The following NKAIN2 variants were observed in gnomAD, a reference collection of about 807,000 sequenced individuals.
NKAIN2 encodes the protein sodium/potassium transporting ATPase interacting 2.
NKAIN2 carries 14 observed loss-of-function variants against 32.6 expected under a neutral mutation model. That is an observed-to-expected ratio of 0.43 (90% CI 0.28 to 0.67). NKAIN2 has a LOEUF of 0.67. NKAIN2 is among the 30% of genes least tolerant of loss of function. NKAIN2 has a pLI of 0.17. For missense variants in NKAIN2, 198 were observed against 258.3 expected (o/e 0.77, Z 1.60); for synonymous variants, 80 against 87.2 (o/e 0.92, Z 0.46).
chr6:124,042,091 G>T (rs566477089), intron 1 of NKAIN2, among the ~76,000 whole-genome samples: 5 of 152,178 alleles, frequency 3.3e-5, no homozygotes, highest in African/African-American at 1.2e-4. Context: ...TGAAGAGAAT[G>T]ATTTTGATTA....
chr6:124,307,622 G>A (rs1012434966), intron 2 of NKAIN2, among the ~76,000 whole-genome samples: 1 of 152,064 alleles, frequency 6.6e-6, no homozygotes, highest in Non-Finnish European at 1.5e-5. Context: ...TATACATAAA[G>A]GTTGACAATT....
intron 1 of NKAIN2, among the ~76,000 whole-genome samples, chr6:124,141,286 T>G (rs1787126346): frequency 6.6e-6 from 1 of 152,190 alleles, no homozygotes; most frequent in South Asian, 2.1e-4. Context: ...ACTTTTTACT[T>G]TAGACTTCTT....
chr6:124,276,152 T>C (rs535912025), intron 1 of NKAIN2, among the ~76,000 whole-genome samples: 7 of 152,226 alleles, frequency 4.6e-5, no homozygotes, highest in African/African-American at 1.7e-4. Context: ...ATTTCCTTAA[T>C]TTTTTTGGTT....
chr6:123,859,330 G>A (rs1775689255), intron 1 of NKAIN2, among the ~76,000 whole-genome samples: 1 of 152,126 alleles, frequency 6.6e-6, no homozygotes, highest in South Asian at 2.1e-4. Context: ...AAGATTATGT[G>A]ATGAGTTGGG....
At chr6:124,401,682 G>A (rs751096880) in intron 3 of NKAIN2, among the ~76,000 whole-genome samples, 1 of 152,104 alleles carries the variant, frequency 6.6e-6, no homozygotes, top group African/African-American at 2.4e-5. Flanking sequence ...TACTCGTGAT[G>A]CATAACACCT....
chr6:124,739,214 T>C (rs1049150444), intron 4 of NKAIN2, among the ~76,000 whole-genome samples: 4 of 151,944 alleles, frequency 2.6e-5, no homozygotes, highest in Non-Finnish European at 4.4e-5. Context: ...GATTCTTTTA[T>C]AGGATCCAAG....
At chr6:124,058,686 T>G (rs907588611) in intron 1 of NKAIN2, among the ~76,000 whole-genome samples, 1 of 152,084 alleles carries the variant, frequency 6.6e-6, no homozygotes, top group East Asian at 1.9e-4. Flanking sequence ...TGTATGACCC[T>G]TGAGCTAAGA....
At chr6:124,700,278 A>G (rs1387023674) in intron 4 of NKAIN2, among the ~76,000 whole-genome samples, 1 of 152,166 alleles carries the variant, frequency 6.6e-6, no homozygotes, top group South Asian at 2.1e-4. Flanking sequence ...TTTTAATAGG[A>G]TCTCACCAAG....
At chr6:124,711,643 T>C (rs1423088134) in intron 4 of NKAIN2, among the ~76,000 whole-genome samples, 1 of 151,272 alleles carries the variant, frequency 6.6e-6, no homozygotes, top group African/African-American at 2.4e-5. Flanking sequence ...CTTCACGTAG[T>C]TCTCGAGCCT....
intron 1 of NKAIN2, among the ~76,000 whole-genome samples, chr6:124,212,313 C>T (rs985095785): frequency 6.6e-6 from 1 of 152,040 alleles, no homozygotes; most frequent in African/African-American, 2.4e-5. Flanking sequence ...CGACTTCAAT[C>T]TTCCAATAAA....
At chr6:124,288,118 T>C (rs149119007) in intron 2 of NKAIN2, among the ~76,000 whole-genome samples, 2 of 152,338 alleles carry the variant, frequency 1.3e-5, no homozygotes, top group South Asian at 2.1e-4. Context: ...TCTTGTTTCT[T>C]ACCAATTCCA....
At chr6:124,109,129 T>G (rs1785250310) in intron 1 of NKAIN2, among the ~76,000 whole-genome samples, 1 of 152,090 alleles carries the variant, frequency 6.6e-6, no homozygotes, top group Non-Finnish European at 1.5e-5. Context: ...GCATTGATTC[T>G]GCATATTGAT....
chr6:124,163,385 A>G (rs1788373377), intron 1 of NKAIN2, among the ~76,000 whole-genome samples: 1 of 151,778 alleles, frequency 6.6e-6, no homozygotes. Flanking sequence ...CAAAAGGCCA[A>G]CAAGAATGTC....
intron 3 of NKAIN2, among the ~76,000 whole-genome samples, chr6:124,385,901 TAA>T: frequency 6.6e-6 from 1 of 150,716 alleles, no homozygotes; most frequent in Non-Finnish European, 1.5e-5. Flanking sequence ...AAGATAAAAA[TAA>T]AAAATATAGA....
At chr6:124,249,351 G>C (rs568911689) in intron 1 of NKAIN2, among the ~76,000 whole-genome samples, 7 of 152,202 alleles carry the variant, frequency 4.6e-5, no homozygotes, top group South Asian at 4.1e-4. Context: ...GATATCTTTG[G>C]TACTTGTGAT....
At chr6:124,656,589 T>C (rs1042293615) in intron 3 of NKAIN2, among the ~76,000 whole-genome samples, 2 of 151,970 alleles carry the variant, frequency 1.3e-5, no homozygotes, top group African/African-American at 4.8e-5. Flanking sequence ...CTGCATTGCA[T>C]TAAATATCTC....
intron 3 of NKAIN2, among the ~76,000 whole-genome samples, chr6:124,429,133 G>T (rs1038026718): frequency 1.3e-5 from 2 of 151,980 alleles, no homozygotes; most frequent in African/African-American, 2.4e-5. Flanking sequence ...TGCCTGTTGG[G>T]TTCAAGCAGT....
chr6:123,988,351 C>T (rs924583414), intron 1 of NKAIN2, among the ~76,000 whole-genome samples: 1 of 152,208 alleles, frequency 6.6e-6, no homozygotes, highest in East Asian at 1.9e-4. Context: ...GGACATTCCA[C>T]AAATAAAAAT....
chr6:124,712,125 T>A lies in NKAIN2; in HGVS notation c.474+53739T>A, dbSNP rs576036204. On this transcript the variant is annotated intron_variant, in intron 4 of 6. Transcript: ENST00000368417. ...GCTGGGGGGTGCCTCCCAGTTAGGC[T>A]GCTCGGGGGTCGGGCGTCAGGGACC... Among the ~76,000 whole-genome samples the A allele has an allele frequency of 4.0e-5, 6 of 151,744 alleles. No homozygotes were observed. The South Asian group carries it at 1.3e-3, about 32-fold the overall frequency.
Sources: gnomAD v4.1 joint callset for allele counts (sites outside exome capture counted in the v4.1 genomes callset) on GRCh38, gnomAD v4.1.1 for gene constraint, MANE v1.5 for transcripts, NCBI Gene and HGNC (gene_info 2026-07-23, HGNC 2026-07-21) for gene names.